The following TMEM209 variants were observed in gnomAD, a reference collection of about 807,000 sequenced individuals.
TMEM209 encodes the protein transmembrane protein 209, also known as testicular tissue protein Li 202.
TMEM209 carries 65 observed loss-of-function variants against 76.2 expected under a neutral mutation model. The ratio of observed to expected loss-of-function variants is 0.85; its 90% CI spans 0.70 to 1.05. TMEM209 has a LOEUF of 1.05. Ranked by LOEUF, TMEM209 falls within the 50% of genes least tolerant of loss-of-function variation. TMEM209 has a pLI of 0.00. For missense variants in TMEM209, 623 were observed against 685.5 expected (o/e 0.91, Z 1.02); for synonymous variants, 239 against 237.6 (o/e 1.01, Z -0.06).
chr7:130,170,509 A>G, intron 13 of TMEM209, 36 bp from the exon 14 acceptor site: 1 of 1,537,370 alleles, frequency 6.5e-7, no homozygotes, highest in Middle Eastern at 1.7e-4. Context: ...ATTTAAACCA[A>G]ATGAAAAAGA....
chr7:130,193,203 C>T (rs913320400), intron 5 of TMEM209, among the ~76,000 whole-genome samples: 2 of 152,088 alleles, frequency 1.3e-5, no homozygotes, highest in Non-Finnish European at 2.9e-5. Flanking sequence ...AGTAGGTGAA[C>T]GAGTAAATAA....
chr7:130,174,861 G>C (rs1797183559), intron 11 of TMEM209, among the ~76,000 whole-genome samples: 2 of 152,062 alleles, frequency 1.3e-5, no homozygotes, highest in South Asian at 2.1e-4. Flanking sequence ...TTAAATGACA[G>C]TGTGTAATAA....
intron 4 of TMEM209, 143 bp from the exon 5 acceptor site, chr7:130,202,234 C>A (rs1268024530): frequency 4.2e-6 from 5 of 1,204,506 alleles, no homozygotes; most frequent in African/African-American, 1.5e-5. Flanking sequence ...TGTATTATTA[C>A]CAAAGGACAC....
chr7:130,180,493 C>T (rs980799179), intron 9 of TMEM209, among the ~76,000 whole-genome samples: 2 of 151,962 alleles, frequency 1.3e-5, no homozygotes, highest in Non-Finnish European at 2.9e-5. Context: ...CTCAGCCTCC[C>T]GAGTAGCTGG....
intron 9 of TMEM209, among the ~76,000 whole-genome samples, chr7:130,181,094 TGTA>T (rs960491592): frequency 6.6e-6 from 1 of 152,198 alleles, no homozygotes; most frequent in Non-Finnish European, 1.5e-5. Flanking sequence ...ATAAGCAAAG[TGTA>T]GTAGATCTAT....
At chr7:130,187,276 A>C (rs1007469218) in intron 6 of TMEM209, among the ~76,000 whole-genome samples, 3 of 152,054 alleles carry the variant, frequency 2.0e-5, no homozygotes, top group Non-Finnish European at 2.9e-5. Context: ...CAAAAAAAAA[A>C]ACAACATTAT....
chr7:130,176,624 C>A (rs1797245449), intron 10 of TMEM209, among the ~76,000 whole-genome samples: 1 of 151,586 alleles, frequency 6.6e-6, no homozygotes, highest in Admixed American at 6.6e-5. Context: ...ATGCATTCAG[C>A]AAAACCCACA....
At chr7:130,172,619 T>C (rs1797106718) in intron 13 of TMEM209, among the ~76,000 whole-genome samples, 1 of 152,154 alleles carries the variant, frequency 6.6e-6, no homozygotes, top group Non-Finnish European at 1.5e-5. Context: ...GTATTTATAA[T>C]AAAAAATAAG....
At position 130,192,546 on chromosome 7, in the gene TMEM209, T is replaced by G. The variant is rs113718778; in HGVS notation, c.775+76A>C. 1.3e-3 allele frequency: 1,676 copies of G among 1,254,628 alleles called. 14 individuals are homozygous for G. The African/African-American group carries it at 0.021, about 15-fold the overall frequency. The allele number at this position is 1,254,628 out of a possible 1,614,324, so 77.7% of individuals were successfully genotyped here. A position where few individuals can be genotyped will look rare whatever the true frequency, so the allele number is the denominator to read the frequency against. ...CTAATAAAGTATGTTAGTATGGATA[T>G]TAAAATAATGAAAATAGTAGGTTAA... On this transcript the variant is annotated intron_variant, in intron 6 of 14. Coordinates refer to ENST00000397622, the MANE Select transcript of TMEM209 (RefSeq NM_032842.4).
At chr7:130,201,820 T>C in intron 5 of TMEM209, 30 bp downstream of exon 5, 1 of 1,612,242 alleles carries the variant, frequency 6.2e-7, no homozygotes. Context: ...TCTAAAATAA[T>C]GTGACTAGAC....
rs1798252106 is a variant in TMEM209, at chr7:130,202,599, A to G, written c.264T>C (p.Tyr88=). Residue 88 remains tyrosine, a synonymous_variant, in exon 4 of 15, where the codon TAT becomes TAC. Transcript: ENST00000397622. ...ALFDFWRYFK[Y]TVAPTSLVVS... ...CAACCAGACTTGTTGGTGCCACAGT[A>G]TATTTGAAATATCTCCAAAAATCAA... 10 of 1,613,948 alleles carry G rather than the reference A, an allele frequency of 6.2e-6. No individual in the cohort carries two copies. Among genetic ancestry groups the G allele is most frequent in the Non-Finnish European group, 8.5e-6 (10 of 1,179,846 alleles).
intron 1 of TMEM209, chr7:130,205,138 A>G: frequency 6.9e-7 from 1 of 1,455,576 alleles, no homozygotes. Flanking sequence ...ACAGAGCAAT[A>G]GCTTTCGCGC....
intron 6 of TMEM209, among the ~76,000 whole-genome samples, chr7:130,189,542 T>G (rs1431764324): frequency 6.6e-6 from 1 of 152,166 alleles, no homozygotes; most frequent in Non-Finnish European, 1.5e-5. Context: ...AGGAGATGCA[T>G]GTGAAATATT....
chr7:130,185,638 G>A (rs1797573061), intron 6 of TMEM209, among the ~76,000 whole-genome samples: 1 of 152,094 alleles, frequency 6.6e-6, no homozygotes, highest in Non-Finnish European at 1.5e-5. Context: ...AGTTAAGCTC[G>A]TTTCATTCTC....
intron 1 of TMEM209, chr7:130,204,838 A>G: frequency 1.5e-6 from 1 of 678,356 alleles, no homozygotes; most frequent in Non-Finnish European, 1.8e-6. Context: ...AGTCATAAAG[A>G]CTGTTGTACA....
chr7:130,173,663 A>G lies in TMEM209; in HGVS notation c.1526T>C (p.Ile509Thr), dbSNP rs1584667293. The change falls in exon 13 of 15, where the codon ATC (isoleucine) becomes ACC (threonine). Residue 509 changes from isoleucine to threonine, a missense_variant. Transcript: ENST00000397622. Reference protein sequence around the residue: ...SAINPPHYELIYQRHVYNLPK... With the variant: ...SAINPPHYELTYQRHVYNLPK... Reference sequence around the variant, plus strand: ...CAGGTTGTATACATGACGCTGGTAGATGAGCTCATAATGGGGAGGGTTGAT... The same window carrying G: ...CAGGTTGTATACATGACGCTGGTAGGTGAGCTCATAATGGGGAGGGTTGAT... 13 of 1,613,584 alleles carry G rather than the reference A, an allele frequency of 8.1e-6. No individual in the cohort carries two copies. Among genetic ancestry groups the G allele is most frequent in the Non-Finnish European group, 1.1e-5 (13 of 1,179,770 alleles).
At chr7:130,168,603 T>C (rs1208711189) in intron 14 of TMEM209, among the ~76,000 whole-genome samples, 1 of 152,210 alleles carries the variant, frequency 6.6e-6, no homozygotes, top group Non-Finnish European at 1.5e-5. Flanking sequence ...ATGTCCAAGA[T>C]ATGCCATAAG....
rs1368670124 is a variant in TMEM209, at chr7:130,166,432, G to C, written c.*19C>G. 3.9e-6 allele frequency: 6 copies of C among 1,534,552 alleles called. No homozygotes were observed. Among genetic ancestry groups the C allele is most frequent in the Non-Finnish European group, 5.3e-6 (6 of 1,139,944 alleles). ...GTTCAGTGAAATAGTCTAAATGTCA[G>C]AATTAAATATATGACTTGCTACTCG... On this transcript the variant is annotated 3_prime_UTR_variant, in exon 15 of 15. Transcript: ENST00000397622.
intron 6 of TMEM209, among the ~76,000 whole-genome samples, chr7:130,191,789 A>G (rs1399799237): frequency 2.0e-5 from 3 of 152,268 alleles, no homozygotes; most frequent in Non-Finnish European, 4.4e-5. Context: ...CCAAGGATAC[A>G]TAGGTTCTTT....
Sources: gnomAD v4.1 joint callset for allele counts (sites outside exome capture counted in the v4.1 genomes callset) on GRCh38, gnomAD v4.1.1 for gene constraint, MANE v1.5 for transcripts, NCBI Gene and HGNC (gene_info 2026-07-23, HGNC 2026-07-21) for gene names.